The following PCBD2 variants were observed in gnomAD, a reference collection of about 807,000 sequenced individuals.
PCBD2 encodes pterin-4-alpha-carbinolamine dehydratase 2.
Under a neutral mutation model 16.4 loss-of-function variants are expected in PCBD2, and 12 were observed. The ratio of observed to expected loss-of-function variants is 0.73; its 90% CI spans 0.47 to 1.19. The LOEUF is 1.19. Ranked by LOEUF, PCBD2 falls within the 50% of genes most tolerant of loss-of-function variation. The pLI, the probability that PCBD2 is intolerant of heterozygous loss-of-function variation, is 0.00. For synonymous variants in PCBD2, 58 were observed against 61.8 expected (o/e 0.94, Z 0.29); for missense variants, 138 against 156.8 (o/e 0.88, Z 0.64).
At chr5:134,911,509 G>A (rs1750768041) in intron 2 of PCBD2, among the ~76,000 whole-genome samples, 1 of 152,044 alleles carries the variant, frequency 6.6e-6, no homozygotes, top group African/African-American at 2.4e-5. Flanking sequence ...ATTTATATTG[G>A]GTGTCGGCAT....
At chr5:134,957,927 A>G (rs1231457251) in intron 2 of PCBD2, among the ~76,000 whole-genome samples, 1 of 152,236 alleles carries the variant, frequency 6.6e-6, no homozygotes, top group Admixed American at 6.5e-5. Flanking sequence ...GAGGTACCAT[A>G]GTGAATGATA....
Position 134,955,005 on chromosome 5 carries a change from G to A in PCBD2, c.217-4035G>A, listed in dbSNP as rs1751398767. 2.0e-5 allele frequency among the ~76,000 whole-genome samples: 3 copies of A among 152,032 alleles called. No homozygotes were observed. The South Asian group carries it at 6.2e-4, about 32-fold the overall frequency. On this transcript the variant is annotated intron_variant, in intron 2 of 3. Coordinates refer to ENST00000254908, the MANE Select transcript of PCBD2 (RefSeq NM_032151.5). ...GATGCGCCTGCCTCGGCTTCCCAAA[G>A]TGCTGGGATTACAGGTGTGAGCCAC...
At chr5:134,909,313 T>C (rs1664503474) in intron 1 of PCBD2, among the ~76,000 whole-genome samples, 1 of 152,228 alleles carries the variant, frequency 6.6e-6, no homozygotes, top group Admixed American at 6.5e-5. Context: ...AGGCCAGGGC[T>C]TTTTACCTGT....
In PCBD2 at chr5:134,939,556, C is replaced by G. The variant is rs563419128; in HGVS notation, c.217-19484C>G. 8.1e-4 allele frequency among the ~76,000 whole-genome samples: 123 copies of G among 152,248 alleles called. 1 individual carries two copies. The highest frequency in any genetic ancestry group is 2.9e-3 in the African/African-American group (119 of 41,544). On this transcript the variant is annotated intron_variant, in intron 2 of 3. Coordinates refer to ENST00000254908, the MANE Select transcript of PCBD2 (RefSeq NM_032151.5). ...AGGCTCCTAAAATCCTGTGTAGCATCTACCATGTACAGACAACCTCCATTC... is the reference window on the plus strand; with the variant it reads ...AGGCTCCTAAAATCCTGTGTAGCATGTACCATGTACAGACAACCTCCATTC...
Position 134,953,458 on chromosome 5 carries a change from T to G in PCBD2, c.217-5582T>G, listed in dbSNP as rs185934710. Among the ~76,000 whole-genome samples the G allele has an allele frequency of 5.3e-3, 806 of 151,350 alleles. 5 individuals are homozygous for G. Among genetic ancestry groups the G allele is most frequent in the African/African-American group, 0.018 (743 of 41,336 alleles). ...ATACCTATGTATGGTATCTACAAGA[T>G]CCTATAAAATTATATACCTATAATT... is the stretch of plus-strand genomic sequence containing the variant. On this transcript the variant is annotated intron_variant, in intron 2 of 3. Transcript: ENST00000254908.
intron 2 of PCBD2, among the ~76,000 whole-genome samples, chr5:134,920,617 C>A (rs1264424271): frequency 2.6e-5 from 4 of 151,430 alleles, no homozygotes; most frequent in South Asian, 4.2e-4. Flanking sequence ...GCTAATGACT[C>A]TGTTTGCTTG....
At chr5:134,920,870 T>G (rs557790074) in intron 2 of PCBD2, among the ~76,000 whole-genome samples, 1 of 152,272 alleles carries the variant, frequency 6.6e-6, no homozygotes, top group African/African-American at 2.4e-5. Context: ...ATGGCCAACA[T>G]GGCCAGGCTG....
intron 2 of PCBD2, among the ~76,000 whole-genome samples, chr5:134,921,718 G>C (rs891764542): frequency 3.3e-5 from 5 of 152,168 alleles, no homozygotes; most frequent in African/African-American, 1.2e-4. Context: ...GAATTATCCT[G>C]GTGATTTGTT....
intron 2 of PCBD2, among the ~76,000 whole-genome samples, chr5:134,930,691 G>A (rs564386697): frequency 1.3e-5 from 2 of 152,236 alleles, no homozygotes; most frequent in East Asian, 1.9e-4. Context: ...TTAGCACCAC[G>A]GTTTCAGCCA....
intron 2 of PCBD2, among the ~76,000 whole-genome samples, chr5:134,916,299 C>A (rs1312149133): frequency 1.3e-5 from 2 of 152,058 alleles, no homozygotes; most frequent in African/African-American, 4.8e-5. Flanking sequence ...AAAAAAAAAT[C>A]TTTGCTGAAT....
At chr5:134,907,995 C>T (rs965278404) in intron 1 of PCBD2, among the ~76,000 whole-genome samples, 4 of 151,194 alleles carry the variant, frequency 2.6e-5, no homozygotes, top group Non-Finnish European at 2.9e-5. Flanking sequence ...TCATAGCTCA[C>T]TGCAGCCTCA....
chr5:134,927,996 A>T, intron 2 of PCBD2: 1 of 396,252 alleles, frequency 2.5e-6, no homozygotes, highest in Non-Finnish European at 4.5e-6. Context: ...GAGTCATGTC[A>T]GTGGTAGTAA....
intron 1 of PCBD2, among the ~76,000 whole-genome samples, chr5:134,906,456 G>T (rs562560337): frequency 6.6e-6 from 1 of 151,888 alleles, no homozygotes; most frequent in East Asian, 1.9e-4. Context: ...CACCCTCCTC[G>T]GCCTCCCAAA....
chr5:134,905,377 C>A (rs1750672318), intron 1 of PCBD2, 154 bp downstream of exon 1: 1 of 576,770 alleles, frequency 1.7e-6, no homozygotes, highest in African/African-American at 2.0e-5. Flanking sequence ...CCGGGACTGA[C>A]CACCTGTCCG....
At chr5:134,913,883 G>A (rs1004444503) in intron 2 of PCBD2, among the ~76,000 whole-genome samples, 1 of 152,166 alleles carries the variant, frequency 6.6e-6, no homozygotes, top group African/African-American at 2.4e-5. Context: ...TCAAGCTATA[G>A]TGTAAAGGGT....
At chr5:134,948,636 A>G (rs1751325759) in intron 2 of PCBD2, among the ~76,000 whole-genome samples, 1 of 151,818 alleles carries the variant, frequency 6.6e-6, no homozygotes, top group African/African-American at 2.4e-5. Flanking sequence ...AGATGGTACC[A>G]TGTCATTAGC....
At chr5:134,953,226 A>G (rs1307686138) in intron 2 of PCBD2, among the ~76,000 whole-genome samples, 2 of 151,780 alleles carry the variant, frequency 1.3e-5, no homozygotes, top group Non-Finnish European at 2.9e-5. Context: ...ATTTTAAATT[A>G]TGATATGGAC....
chr5:134,913,248 G>A (rs1312992875), intron 2 of PCBD2, among the ~76,000 whole-genome samples: 2 of 152,226 alleles, frequency 1.3e-5, no homozygotes, highest in Non-Finnish European at 2.9e-5. Context: ...ATTTCAGCTA[G>A]TGATGAGTAC....
intron 2 of PCBD2, among the ~76,000 whole-genome samples, chr5:134,949,020 G>A (rs184517097): frequency 1.3e-5 from 2 of 152,244 alleles, no homozygotes; most frequent in Admixed American, 6.5e-5. Flanking sequence ...GGATCAAGTA[G>A]ATGGCAAGTA....
Sources: allele counts gnomAD v4.1 joint callset (sites outside exome capture counted in the v4.1 genomes callset), GRCh38; gene constraint gnomAD v4.1.1; transcripts MANE v1.5; gene names NCBI Gene and HGNC (gene_info 2026-07-23, HGNC 2026-07-21).